OFD1: variants seen among roughly 807,000 people sequenced by gnomAD.
OFD1 encodes the protein centriole and centriolar satellite protein OFD1.
In OFD1, 12 loss-of-function variants were observed where a neutral mutation model predicts 81.4. The observed-to-expected ratio is 0.15, with a 90% CI of 0.09 to 0.24. The LOEUF is 0.24. Ranked by LOEUF, OFD1 falls within the 10% of genes least tolerant of loss-of-function variation. The probability of loss-of-function intolerance (pLI) is 1.00; values close to 1 mark genes in which losing one functional copy is unlikely to be tolerated. For missense variants in OFD1, 685 were observed against 733.9 expected (o/e 0.93, Z 0.77); for synonymous variants, 256 against 263.7 (o/e 0.97, Z 0.28).
chrX:13,753,170 G>T, intron 10 of OFD1, 198 bp from the exon 11 acceptor site: 1 of 1,046,779 alleles, frequency 9.6e-7, no homozygotes, highest in Admixed American at 4.2e-5. Flanking sequence ...CCAGTTTATA[G>T]GATCAAGGAA....
chrX:13,768,781 G>A lies in OFD1; in HGVS notation c.2992G>A (p.Glu998Lys), dbSNP rs772233258. Residue 998 changes from glutamate (E) to lysine (K), a missense_variant, in exon 22 of 23, where the codon GAA becomes AAA. Glu to Lys is a moderately conservative substitution (Grantham distance 56, BLOSUM62 1). This residue lies in a region of OFD1 where 259 missense variants were observed against 254.4 expected (regional missense o/e 1.02). Transcript: ENST00000340096. ...CACGCTGCAATCTAGTGACAAAGTC[G>A]AAAGGTACCTGTTTTCCCTACACAC... The part of the protein sequence containing the change: ...VDTLQSSDKV[E>K]SLTGFSHEEL... The A allele has an allele frequency of 4.3e-5, 52 of 1,198,557 alleles. No homozygotes were observed. Among genetic ancestry groups the A allele is most frequent in the South Asian group, 1.8e-5 (1 of 56,558 alleles).
Position 13,769,088 on chromosome X carries a change from G to C in OFD1, c.3019G>C (p.Glu1007Gln). ...TAGTTTAACAGGCTTTTCTCATGAAGAACTAGACGACTCTTGGTAACCATG... is the reference window on the plus strand; with the variant it reads ...TAGTTTAACAGGCTTTTCTCATGAACAACTAGACGACTCTTGGTAACCATG... ...VESLTGFSHE[E>Q]LDDSW The change falls in exon 23 of 23, where the codon GAA becomes CAA. Residue 1007 changes from glutamate to glutamine, a missense_variant. Glu to Gln is a conservative substitution (Grantham distance 29). Coordinates refer to ENST00000340096, the MANE Select transcript of OFD1 (RefSeq NM_003611.3). 1.8e-5 allele frequency: 21 copies of C among 1,196,149 alleles called. No individual in the cohort carries two copies. Among genetic ancestry groups the C allele is most frequent in the Non-Finnish European group, 2.3e-5 (20 of 881,465 alleles).
At chrX:13,772,716 C>G (rs2048323707), downstream of OFD1, 1 of 367,042 alleles carries the variant, frequency 2.7e-6, no homozygotes, top group Admixed American at 4.9e-5. Flanking sequence ...AAAGATTTAC[C>G]CACTGGAAGG....
At chrX:13,772,807 TC>T, downstream of OFD1, 15 of 1,002,647 alleles carry the variant, frequency 1.5e-5, no homozygotes, top group Non-Finnish European at 2.1e-5. Context: ...GGGATACACA[TC>T]TGTACTGCAG....
downstream of OFD1, chrX:13,771,959 G>A (rs1349534131): frequency 8.9e-6 from 1 of 112,305 alleles, no homozygotes; most frequent in Non-Finnish European, 1.9e-5. Flanking sequence ...TGTAAACTTC[G>A]TATCCAGACC....
rs1414093547 is a variant in OFD1 at position 13,761,400 on chromosome X, A to ATT, written c.2387+189_2387+190insTT. Among the ~76,000 whole-genome samples, 87 of 111,593 alleles carry ATT rather than the reference A, an allele frequency of 7.8e-4. No individual in the cohort carries two copies. The East Asian group carries it at 0.019, about 24-fold the overall frequency. ...GAATCATCTAAATTACCTGGAGGGAAAAAGATTGCTTTTAGCAAATAAGTG... is the reference window on the plus strand; with the variant it reads ...GAATCATCTAAATTACCTGGAGGGAATTAAAGATTGCTTTTAGCAAATAAGTG... On this transcript the variant is annotated intron_variant, in intron 17 of 22. Coordinates refer to ENST00000340096, the MANE Select transcript of OFD1 (RefSeq NM_003611.3).
intron 5 of OFD1, among the ~76,000 whole-genome samples, chrX:13,744,062 G>A (rs961667671): frequency 1.8e-5 from 2 of 111,797 alleles, no homozygotes; most frequent in African/African-American, 6.5e-5. Context: ...GCCCAGGCAG[G>A]AGGATTGCTT....
At chrX:13,741,120 CAG>C (rs2146942136) in intron 5 of OFD1, among the ~76,000 whole-genome samples, 1 of 109,224 alleles carries the variant, frequency 9.2e-6, no homozygotes, top group East Asian at 2.9e-4. Flanking sequence ...AGCCTAGCGA[CAG>C]AGCAAGACTC....
At chrX:13,758,472 A>G in intron 15 of OFD1, 24 bp downstream of exon 15, 3 of 861,426 alleles carry the variant, frequency 3.5e-6, no homozygotes, top group Non-Finnish European at 5.2e-6. Context: ...TAACCCATAA[A>G]TATTTTTGTA....
intron 18 of OFD1, among the ~76,000 whole-genome samples, 153 bp from the exon 19 acceptor site, chrX:13,763,592 G>A (rs1409344326): frequency 8.9e-6 from 1 of 112,202 alleles, no homozygotes; most frequent in Non-Finnish European, 1.9e-5. Flanking sequence ...AAGTGGTTAT[G>A]TTGGGAACTT....
chrX:13,765,377 A>C (rs753182162), intron 19 of OFD1, among the ~76,000 whole-genome samples: 25 of 111,387 alleles, frequency 2.2e-4, no homozygotes, highest in Non-Finnish European at 4.3e-4. Context: ...TCCTATTTTG[A>C]GATTACTATT....
intron 2 of OFD1, chrX:13,736,147 A>G (rs982129061): frequency 2.7e-5 from 23 of 862,983 alleles, no homozygotes; most frequent in Non-Finnish European, 3.1e-5. Flanking sequence ...TTTTTCCTAT[A>G]CTTAATATCC....
chrX:13,734,565 C>T, upstream of OFD1: 1 of 474,936 alleles, frequency 2.1e-6, no homozygotes, highest in Non-Finnish European at 2.8e-6. Flanking sequence ...ATGTCAGTTT[C>T]CGCGGAAGAG....
the OFD1 span, among the ~76,000 whole-genome samples, chrX:13,715,116 A>C: frequency 8.9e-6 from 1 of 112,862 alleles, no homozygotes; most frequent in Non-Finnish European, 1.9e-5. Context: ...GAATACTGTT[A>C]AATTGTATTA....
chrX:13,715,147 T>C, the OFD1 span, among the ~76,000 whole-genome samples: 2 of 112,858 alleles, frequency 1.8e-5, no homozygotes, highest in Non-Finnish European at 3.7e-5. Flanking sequence ...ATGCAAGAAA[T>C]TCTGTCCAAA....
chrX:13,722,305 A>T, the OFD1 span: 1 of 107,224 alleles, frequency 9.3e-6, no homozygotes, highest in Non-Finnish European at 1.9e-5. Flanking sequence ...CCCCACACTC[A>T]CCCCTATATG....
the OFD1 span, chrX:13,715,849 TA>T: frequency 1.0e-6 from 1 of 987,400 alleles, no homozygotes; most frequent in Non-Finnish European, 1.3e-6. Flanking sequence ...TGTGAAGACT[TA>T]CCTGCGGAGG....
chrX:13,753,511 T>A (rs776819072), intron 11 of OFD1, 70 bp downstream of exon 11: 1 of 1,027,224 alleles, frequency 9.7e-7, no homozygotes, highest in Non-Finnish European at 1.4e-6. Context: ...CCAAGTTGGG[T>A]CTTTTCTATA....
At chrX:13,729,402 T>C in the OFD1 span, among the ~76,000 whole-genome samples, 68 of 111,582 alleles carry the variant, frequency 6.1e-4, no homozygotes, top group African/African-American at 1.9e-3. Context: ...GAAACAGATA[T>C]ATAGACCAAT....
Sources: allele counts gnomAD v4.1 joint callset (sites outside exome capture counted in the v4.1 genomes callset), GRCh38; gene constraint gnomAD v4.1.1; regional missense constraint gnomAD v4.1.1; transcripts MANE v1.5; gene names NCBI Gene and HGNC (gene_info 2026-07-23, HGNC 2026-07-21).